Variants in ZRANB3 observed in about 807,000 individuals in gnomAD.
ZRANB3 encodes zinc finger RANBP2-type containing 3, also known as DNA annealing helicase and endonuclease ZRANB3.
Under a neutral mutation model 133.8 loss-of-function variants are expected in ZRANB3, and 125 were observed. That is an observed-to-expected ratio of 0.93 (90% CI 0.81 to 1.08). The LOEUF (loss-of-function observed/expected upper bound fraction) is 1.08, where lower values mean the gene tolerates loss of function less well. Among genes scored for constraint, ZRANB3 ranks in the 50% least tolerant of loss-of-function variants. ZRANB3 has a pLI of 0.00. For synonymous variants in ZRANB3, 387 were observed against 432.7 expected, an observed-to-expected ratio of 0.89 and a Z score of 1.31; for missense variants, 1,229 against 1,275.5, an observed-to-expected ratio of 0.96 and a Z score of 0.56.
At position 135,497,724 on chromosome 2, in the gene ZRANB3, C is replaced by A. The variant is rs999965161; in HGVS notation, c.161+6605G>T. ...GTCTTTTCAATAAATTGTGCTGGATCAAGTAGACATTCATATGTAAAAATA... is the reference window on the plus strand; with the variant it reads ...GTCTTTTCAATAAATTGTGCTGGATAAAGTAGACATTCATATGTAAAAATA... On this transcript the variant is annotated intron_variant, in intron 2 of 20. Coordinates refer to ENST00000264159, the MANE Select transcript of ZRANB3 (RefSeq NM_032143.4). 3.3e-5 allele frequency among the ~76,000 whole-genome samples: 5 copies of A among 152,088 alleles called. 1 individual carries two copies. The South Asian group carries it at 1.0e-3, about 32-fold the overall frequency.
intron 12 of ZRANB3, among the ~76,000 whole-genome samples, chr2:135,249,053 G>A (rs28773504): frequency 6.6e-6 from 1 of 152,132 alleles, no homozygotes; most frequent in Admixed American, 6.6e-5. Flanking sequence ...AGTGAGATAC[G>A]ATCTCACACC....
chr2:135,241,818 T>C (rs1695564056), intron 12 of ZRANB3, among the ~76,000 whole-genome samples: 2 of 152,118 alleles, frequency 1.3e-5, no homozygotes, highest in African/African-American at 4.8e-5. Flanking sequence ...AAGTTCACTT[T>C]TAGAAATGTA....
chr2:135,369,539 G>A (rs1263094067), intron 3 of ZRANB3, among the ~76,000 whole-genome samples: 1 of 151,882 alleles, frequency 6.6e-6, no homozygotes, highest in African/African-American at 2.4e-5. Context: ...ATAAGAAGAG[G>A]ACACGAAGCT....
At chr2:135,414,977 C>T (rs1450960089) in intron 2 of ZRANB3, among the ~76,000 whole-genome samples, 4 of 151,856 alleles carry the variant, frequency 2.6e-5, no homozygotes, top group African/African-American at 4.8e-5. Context: ...AAATTTATAG[C>T]ACTAAATGCC....
rs571763554 is a variant in ZRANB3, at chr2:135,404,000, G to GA, written c.162-13181dup. On this transcript the variant is annotated intron_variant, in intron 2 of 20. Coordinates refer to ENST00000264159, the MANE Select transcript of ZRANB3 (RefSeq NM_032143.4). ...AGGTAGATAAAACCACAAAGATGGGGAAAAAACAGAGCAGAAAAACTGGAA... is the reference window on the plus strand; with the variant it reads ...AGGTAGATAAAACCACAAAGATGGGGAAAAAAACAGAGCAGAAAAACTGGAA... Among the ~76,000 whole-genome samples the GA allele has an allele frequency of 3.3e-5, 5 of 152,230 alleles. No individual in the cohort carries two copies. In the South Asian group the frequency reaches 8.3e-4, roughly 25 times the overall value.
intron 2 of ZRANB3, among the ~76,000 whole-genome samples, chr2:135,470,532 C>T (rs1373834380): frequency 6.6e-6 from 1 of 151,234 alleles, no homozygotes; most frequent in East Asian, 2.0e-4. Context: ...CTAAAAAATA[C>T]AAAAATTAGC....
intron 18 of ZRANB3, among the ~76,000 whole-genome samples, chr2:135,208,303 A>G (rs1038698785): frequency 6.6e-6 from 1 of 152,214 alleles, no homozygotes; most frequent in East Asian, 1.9e-4. Context: ...TCACAGCCAT[A>G]AAGTGACAGA....
chr2:135,237,398 G>C (rs372835247), intron 12 of ZRANB3, among the ~76,000 whole-genome samples: 9,562 of 150,860 alleles, frequency 0.063, 613 homozygotes, highest in African/African-American at 0.17. Flanking sequence ...CCTCAGGGAT[G>C]TAGAACTAGA....
At position 135,381,997 on chromosome 2, in the gene ZRANB3, G is replaced by A. The variant is rs141481059; in HGVS notation, c.180+8805C>T. Among the ~76,000 whole-genome samples the A allele has an allele frequency of 3.0e-3, 454 of 152,302 alleles. 2 individuals are homozygous for A. The highest frequency in any genetic ancestry group is 0.01 in the African/African-American group (430 of 41,572). On this transcript the variant is annotated intron_variant, in intron 3 of 20. Transcript: ENST00000264159. Reference sequence around the variant, plus strand: ...AACAGAACAAAGCTGGACGGAGAATGACTTTGACGAGTTGAGAGAAGAAGG... The same window carrying A: ...AACAGAACAAAGCTGGACGGAGAATAACTTTGACGAGTTGAGAGAAGAAGG...
chr2:135,389,439 G>A (rs1434194029), intron 3 of ZRANB3, among the ~76,000 whole-genome samples: 1 of 152,184 alleles, frequency 6.6e-6, no homozygotes, highest in Non-Finnish European at 1.5e-5. Context: ...AGGCACTGTG[G>A]CTCACGCCTG....
chr2:135,424,205 G>A (rs1688976455), intron 2 of ZRANB3, among the ~76,000 whole-genome samples: 1 of 152,082 alleles, frequency 6.6e-6, no homozygotes, highest in African/African-American at 2.4e-5. Flanking sequence ...ACAAAAGAGA[G>A]CTGTTTGAAT....
chr2:135,373,089 T>C (rs1045755923), intron 3 of ZRANB3, among the ~76,000 whole-genome samples: 5 of 151,048 alleles, frequency 3.3e-5, no homozygotes, highest in African/African-American at 1.2e-4. Flanking sequence ...TGGTTACTGA[T>C]AGACAAGACC....
At chr2:135,431,668 A>T (rs1411817082) in intron 2 of ZRANB3, among the ~76,000 whole-genome samples, 1 of 152,192 alleles carries the variant, frequency 6.6e-6, no homozygotes, top group Non-Finnish European at 1.5e-5. Context: ...TGCTTGACTA[A>T]CAAAAATATA....
intron 6 of ZRANB3, 104 bp downstream of exon 6, chr2:135,345,446 C>A: frequency 2.6e-6 from 2 of 760,970 alleles, no homozygotes; most frequent in Non-Finnish European, 4.2e-6. Flanking sequence ...CCAGCCTGGG[C>A]GATGGGAGTG....
chr2:135,208,659 C>T (rs1202214936), intron 18 of ZRANB3, among the ~76,000 whole-genome samples: 3 of 152,240 alleles, frequency 2.0e-5, no homozygotes, highest in African/African-American at 7.2e-5. Context: ...CACCTGGTCT[C>T]AGTGTCCTTC....
intron 20 of ZRANB3, among the ~76,000 whole-genome samples, chr2:135,201,521 C>T (rs902589955): frequency 2.6e-5 from 4 of 151,812 alleles, no homozygotes; most frequent in Non-Finnish European, 5.9e-5. Flanking sequence ...GGTGTGGTGG[C>T]GGGTGCCTGT....
At chr2:135,210,696 G>C (rs951138822) in intron 17 of ZRANB3, among the ~76,000 whole-genome samples, 1 of 152,162 alleles carries the variant, frequency 6.6e-6, no homozygotes, top group Non-Finnish European at 1.5e-5. Flanking sequence ...CACTTTGGGA[G>C]GCCAAGATGG....
Position 135,230,731 on chromosome 2 carries a change from T to A in ZRANB3, c.1736A>T (p.Lys579Ile). 3.7e-6 allele frequency: 6 copies of A among 1,613,116 alleles called. No individual in the cohort carries two copies. The highest frequency in any genetic ancestry group is 4.2e-6 in the Non-Finnish European group (5 of 1,179,678). Residue 579 changes from lysine to isoleucine, a missense_variant, in exon 13 of 21, where the codon AAA becomes ATA. Coordinates refer to ENST00000264159, the MANE Select transcript of ZRANB3 (RefSeq NM_032143.4). ...GCAGTGGTCTTCCGAGGCAGCCAAT[T>A]TCAATCTTTTCGTTTCAGGTTCAAC... The part of the protein sequence containing the change: ...SDVEPETKRL[K>I]LAASEDHCSP...
In ZRANB3 at chr2:135,426,273, C is replaced by T. The variant is rs181985214; in HGVS notation, c.162-35453G>A. On this transcript the variant is annotated intron_variant, in intron 2 of 20. Coordinates refer to ENST00000264159, the MANE Select transcript of ZRANB3 (RefSeq NM_032143.4). ...CCACATGTATAAAGAAGAGCTGGCA[C>T]TATTCCTACTAAAACTATACCAAAA... Among the ~76,000 whole-genome samples, 12 of 152,164 alleles carry T rather than the reference C, an allele frequency of 7.9e-5. No homozygotes were observed. In the East Asian group the frequency reaches 2.3e-3, roughly 30 times the overall value.
Sources: gnomAD v4.1 joint callset for allele counts (sites outside exome capture counted in the v4.1 genomes callset) on GRCh38, gnomAD v4.1.1 for gene constraint, MANE v1.5 for transcripts, NCBI Gene and HGNC (gene_info 2026-07-23, HGNC 2026-07-21) for gene names.